Variants in RGS12 observed in about 807,000 individuals in gnomAD.
RGS12 encodes the protein regulator of G-protein signaling 12.
In RGS12, 66 loss-of-function variants were observed where a neutral mutation model predicts 120.1. The ratio of observed to expected loss-of-function variants is 0.55; its 90% CI spans 0.45 to 0.67. The LOEUF is 0.67. Among genes scored for constraint, RGS12 ranks in the 30% least tolerant of loss-of-function variants. The probability of loss-of-function intolerance (pLI) is 0.00; values close to 1 mark genes in which losing one functional copy is unlikely to be tolerated. For missense variants in RGS12, 1,859 were observed against 1,957.7 expected (o/e 0.95, Z 0.95); for synonymous variants, 827 against 804.7 (o/e 1.03, Z -0.47).
intron 3 of RGS12, among the ~76,000 whole-genome samples, chr4:3,357,157 T>A (rs12510953): frequency 1.3e-5 from 2 of 152,226 alleles, no homozygotes; most frequent in Admixed American, 1.3e-4. Context: ...TTCATGTGCT[T>A]TTTGGCTATT....
chr4:3,383,645 T>G (rs28409520), intron 3 of RGS12, among the ~76,000 whole-genome samples: 6 of 152,020 alleles, frequency 3.9e-5, no homozygotes, highest in African/African-American at 1.5e-4. Context: ...TTTAAAATAA[T>G]TTTTTCCATA....
chr4:3,390,254 G>A lies in RGS12; in HGVS notation c.2020+3817G>A, dbSNP rs371842488. Among the ~76,000 whole-genome samples the A allele has an allele frequency of 2.0e-5, 3 of 152,246 alleles. No homozygotes were observed. The highest frequency in any genetic ancestry group is 7.2e-5 in the African/African-American group (3 of 41,540). Reference sequence around the variant, plus strand: ...GATGGCCACTGTCAATTTCCTGCCCGTGCTAGGGGCAGCTTCCATCATTTT... The same window carrying A: ...GATGGCCACTGTCAATTTCCTGCCCATGCTAGGGGCAGCTTCCATCATTTT... On this transcript the variant is annotated intron_variant, in intron 4 of 17. Coordinates refer to ENST00000336727, the MANE Select transcript of RGS12 (RefSeq NM_001394154.1). The surrounding 1 kb of genome is among the most constrained non-coding windows in gnomAD (Gnocchi z 4.6).
chr4:3,347,036 G>A (rs916128835), intron 3 of RGS12, among the ~76,000 whole-genome samples: 3 of 151,622 alleles, frequency 2.0e-5, no homozygotes, highest in African/African-American at 7.3e-5. Context: ...GAATACATGT[G>A]AACAGTTTCC....
intron 3 of RGS12, among the ~76,000 whole-genome samples, chr4:3,383,443 CA>C (rs1322479367): frequency 1.3e-5 from 2 of 151,962 alleles, no homozygotes; most frequent in Non-Finnish European, 2.9e-5. Context: ...CCCATCTCTA[CA>C]AAAAATACAC....
At chr4:3,422,603 C>G (rs780218541) in intron 11 of RGS12, 33 bp downstream of exon 11, 9 of 1,592,886 alleles carry the variant, frequency 5.7e-6, no homozygotes, top group Non-Finnish European at 7.7e-6. Flanking sequence ...GTGCTGCCCT[C>G]AGGCCATGAC....
At chr4:3,364,686 G>T (rs1315660455) in intron 3 of RGS12, among the ~76,000 whole-genome samples, 1 of 152,014 alleles carries the variant, frequency 6.6e-6, no homozygotes. Flanking sequence ...AGGGAGAGCC[G>T]GGCTGACACC....
chr4:3,335,977 C>T (rs376571483), intron 2 of RGS12, among the ~76,000 whole-genome samples: 22 of 152,008 alleles, frequency 1.4e-4, no homozygotes, highest in African/African-American at 2.7e-4. Context: ...CTGTAGTCCC[C>T]GCTACTTGGG....
intron 17 of RGS12, chr4:3,432,068 C>T (rs1724360469): frequency 1.0e-6 from 1 of 985,330 alleles, no homozygotes. Flanking sequence ...GCAGCCTCCA[C>T]CCCTGGCCTG....
chr4:3,420,710 C>G lies in RGS12; in HGVS notation c.2830C>G (p.Leu944Val). ...SQGSVSSAGS[L>V]DLSEACRTLA... ...GGGCTCTGTGTCCTCTGCGGGGAGC[C>G]TGGACCTGGTGAGTCACTGTCTCCC... The change falls in exon 10 of 18, where the codon CTG becomes GTG. Residue 944 changes from leucine (L) to valine (V), a missense_variant. Leu to Val is a conservative substitution (Grantham distance 32). This residue lies in a region of RGS12 where 375 missense variants were observed against 475.0 expected (regional missense o/e 0.79). Coordinates refer to ENST00000336727, the MANE Select transcript of RGS12 (RefSeq NM_001394154.1). The G allele has an allele frequency of 6.2e-7, 1 of 1,612,294 alleles. No individual in the cohort carries two copies. Among genetic ancestry groups the G allele is most frequent in the Non-Finnish European group, 8.5e-7 (1 of 1,179,968 alleles).
At chr4:3,381,921 G>C (rs1718302775) in intron 3 of RGS12, among the ~76,000 whole-genome samples, 1 of 152,208 alleles carries the variant, frequency 6.6e-6, no homozygotes, top group African/African-American at 2.4e-5. Context: ...ACCTGGGAGT[G>C]AGAGAGCTGT....
chr4:3,293,313 G>A (rs1362130110), intron 1 of RGS12, among the ~76,000 whole-genome samples: 1 of 145,090 alleles, frequency 6.9e-6, no homozygotes, highest in Admixed American at 6.8e-5. Context: ...CGCGGGGCGG[G>A]GCGGGGCGGG....
intron 1 of RGS12, among the ~76,000 whole-genome samples, chr4:3,308,123 C>T (rs1724070104): frequency 6.6e-6 from 1 of 152,210 alleles, no homozygotes; most frequent in Non-Finnish European, 1.5e-5. Flanking sequence ...GTGCACAGTG[C>T]CCGTCCATCT....
intron 4 of RGS12, among the ~76,000 whole-genome samples, chr4:3,408,077 G>C (rs935203578): frequency 6.6e-6 from 1 of 152,210 alleles, no homozygotes; most frequent in African/African-American, 2.4e-5. Context: ...CTTTGGCTTA[G>C]ATCACAAGTG....
At chr4:3,349,230 G>A (rs79485483) in intron 3 of RGS12, among the ~76,000 whole-genome samples, 2,166 of 152,092 alleles carry the variant, frequency 0.014, 58 homozygotes, top group African/African-American at 0.05. Flanking sequence ...AATTTATTTC[G>A]TAAATTTATC....
At chr4:3,315,611 T>G (rs1251804708) in intron 1 of RGS12, among the ~76,000 whole-genome samples, 1 of 152,252 alleles carries the variant, frequency 6.6e-6, no homozygotes, top group Non-Finnish European at 1.5e-5. Flanking sequence ...GTTCTGCAGG[T>G]GCCTTTGAAC....
chr4:3,355,664 A>G (rs918641228), intron 3 of RGS12, among the ~76,000 whole-genome samples: 2 of 151,878 alleles, frequency 1.3e-5, no homozygotes, highest in Admixed American at 1.3e-4. Context: ...GTATGGTGGT[A>G]TGCGCCCATA....
At chr4:3,341,848 T>G (rs1169276682) in intron 2 of RGS12, among the ~76,000 whole-genome samples, 9 of 117,176 alleles carry the variant, frequency 7.7e-5, no homozygotes, top group Admixed American at 8.8e-5. Context: ...GGGCGGAGGG[T>G]AGGGGCTGCA....
At chr4:3,342,802 A>T (rs1713376176) in intron 2 of RGS12, 135 bp from the exon 3 acceptor site, 1 of 747,930 alleles carries the variant, frequency 1.3e-6, no homozygotes, top group South Asian at 1.7e-5. Context: ...TTACCCTGGG[A>T]TGACTTTTAA....
At chr4:3,299,519 T>C (rs984509707) in intron 1 of RGS12, among the ~76,000 whole-genome samples, 3 of 152,176 alleles carry the variant, frequency 2.0e-5, no homozygotes, top group Non-Finnish European at 2.9e-5. Flanking sequence ...TTGTGTCTGG[T>C]TGGAACTTGA....
Sources: gnomAD v4.1 joint callset for allele counts (sites outside exome capture counted in the v4.1 genomes callset) on GRCh38, gnomAD v4.1.1 for gene constraint, gnomAD v4.1.1 regional missense constraint, Gnocchi (gnomAD v3.1) non-coding constraint, MANE v1.5 for transcripts, NCBI Gene and HGNC (gene_info 2026-07-23, HGNC 2026-07-21) for gene names.